Variants in WAC observed in about 807,000 individuals in gnomAD.
WAC encodes the protein WW domain containing adaptor with coiled-coil.
WAC carries 11 observed loss-of-function variants against 79.6 expected under a neutral mutation model. The observed-to-expected ratio is 0.14, with a 90% CI of 0.09 to 0.23. The LOEUF (loss-of-function observed/expected upper bound fraction) is 0.23, where lower values mean the gene tolerates loss of function less well. Among genes scored for constraint, WAC ranks in the 10% least tolerant of loss-of-function variants. The pLI is 1.00. For synonymous variants in WAC, 304 were observed against 276.9 expected (o/e 1.10, Z -0.97); for missense variants, 728 against 773.5 (o/e 0.94, Z 0.70).
In WAC at chr10:28,608,169, A is replaced by G. The variant is rs1292876044; in HGVS notation, c.920-17A>G. On this transcript the variant is annotated splice_polypyrimidine_tract_variant and intron_variant, in intron 7 of 13. Coordinates refer to ENST00000354911, the MANE Select transcript of WAC (RefSeq NM_016628.5). The stretch of plus-strand genomic sequence containing the variant: ...TCTATTCAGGTAATTTTTCAGGCTG[A>G]TTATCTTTTTATTTAGAATCTACAT... The G allele has an allele frequency of 1.2e-6, 2 of 1,611,910 alleles. No individual in the cohort carries two copies. The highest frequency in any genetic ancestry group is 1.1e-5 in the South Asian group (1 of 90,942).
chr10:28,550,470 A>G (rs923476143), intron 3 of WAC, among the ~76,000 whole-genome samples: 10 of 150,526 alleles, frequency 6.6e-5, no homozygotes, highest in Non-Finnish European at 1.2e-4. Context: ...TTTTGTAGAG[A>G]TTTGTAATTA....
At position 28,563,547 on chromosome 10, in the gene WAC, CAA is replaced by C. The variant is rs559802403; in HGVS notation, c.275-19851_275-19850del. ...TTGTGGCAGTTTAATGATAGCAACA[CAA>C]GAGATTTAGTATACAGTGGGTTTGT... On this transcript the variant is annotated intron_variant, in intron 3 of 13. Coordinates refer to ENST00000354911, the MANE Select transcript of WAC (RefSeq NM_016628.5). Among the ~76,000 whole-genome samples the C allele has an allele frequency of 7.9e-5, 12 of 152,012 alleles. No individual in the cohort carries two copies. The East Asian group carries it at 9.7e-4, about 12-fold the overall frequency.
intron 9 of WAC, 37 bp from the exon 10 acceptor site, chr10:28,611,737 G>GT (rs1449697624): frequency 1.9e-6 from 3 of 1,598,658 alleles, no homozygotes; most frequent in Non-Finnish European, 2.6e-6. Context: ...GTTTTGTTTT[G>GT]TTTTTCTTTA....
At chr10:28,586,100 TACAA>T (rs1839809348) in intron 4 of WAC, among the ~76,000 whole-genome samples, 1 of 152,210 alleles carries the variant, frequency 6.6e-6, no homozygotes, top group Non-Finnish European at 1.5e-5. Context: ...GTGGGAATGA[TACAA>T]ACAGCCCTTA....
chr10:28,594,680 G>A (rs544219622), intron 6 of WAC, among the ~76,000 whole-genome samples: 1 of 151,982 alleles, frequency 6.6e-6, no homozygotes, highest in Non-Finnish European at 1.5e-5. Context: ...TTTTGTCTTG[G>A]TCTTTACAAT....
Position 28,533,791 on chromosome 10 carries a change from C to T in WAC, c.41+171C>T, listed in dbSNP as rs552014351. 4 of 978,550 alleles carry T rather than the reference C, an allele frequency of 4.1e-6. No homozygotes were observed. In the East Asian group the frequency reaches 1.2e-4, roughly 29 times the overall value. The allele number at this position is 978,550 out of a possible 1,614,324, so 60.6% of individuals were successfully genotyped here. On this transcript the variant is annotated intron_variant, in intron 1 of 13. Transcript: ENST00000354911. ...GCGGGCGGGCGGGAACGCAGTGTGG[C>T]GGGGAGCGGGGGCCCGGCTTCGCGG...
At chr10:28,583,566 A>AT (rs1483259820) in intron 4 of WAC, 61 bp downstream of exon 4, 2 of 1,247,142 alleles carry the variant, frequency 1.6e-6, no homozygotes, top group Non-Finnish European at 2.2e-6. Flanking sequence ...AAAAAAAAAA[A>AT]AATACAACCC....
At chr10:28,595,429 T>G (rs577804637) in intron 6 of WAC, among the ~76,000 whole-genome samples, 83 of 152,266 alleles carry the variant, frequency 5.5e-4, no homozygotes, top group Middle Eastern at 3.4e-3. Flanking sequence ...GATTTTTTTT[T>G]TTTGTGTTTT....
chr10:28,570,774 A>G (rs181355493), intron 3 of WAC, among the ~76,000 whole-genome samples: 31 of 152,258 alleles, frequency 2.0e-4, no homozygotes, highest in African/African-American at 7.5e-4. Context: ...TGACGTAGGC[A>G]GAGTAGTTAC....
intron 7 of WAC, 65 bp downstream of exon 7, chr10:28,596,106 A>C (rs1435164737): frequency 1.4e-6 from 2 of 1,461,082 alleles, no homozygotes; most frequent in South Asian, 2.7e-5. Context: ...TAAGTTTCTT[A>C]TATATTACAT....
At chr10:28,547,788 T>C (rs762155025) in intron 3 of WAC, among the ~76,000 whole-genome samples, 1 of 151,866 alleles carries the variant, frequency 6.6e-6, no homozygotes, top group East Asian at 1.9e-4. Context: ...AAATTTAGAG[T>C]TTTTCCTTCT....
rs934705078 is a variant in WAC at position 28,621,353 on chromosome 10, C to T, written c.*1747C>T. 2 of 150,982 alleles carry T rather than the reference C, an allele frequency of 1.3e-5. No homozygotes were observed. 9.4% of individuals were successfully genotyped at this position (150,982 alleles called of 1,614,324 possible). ...TGCTAACATAAATTTTGAAATTGCTCTTGTGCTTTAAGCATATATTGAAAG... is the reference window on the plus strand; with the variant it reads ...TGCTAACATAAATTTTGAAATTGCTTTTGTGCTTTAAGCATATATTGAAAG... On this transcript the variant is annotated 3_prime_UTR_variant, in exon 14 of 14. Transcript: ENST00000354911.
chr10:28,590,599 CCATGTT>C, intron 5 of WAC, 115 bp from the exon 6 acceptor site: 1 of 770,248 alleles, frequency 1.3e-6, no homozygotes, highest in Non-Finnish European at 2.1e-6. Context: ...TAAATTATGA[CCATGTT>C]CACTCCTTTT....
intron 4 of WAC, among the ~76,000 whole-genome samples, chr10:28,588,372 A>C (rs1416887327): frequency 2.0e-5 from 3 of 152,094 alleles, no homozygotes; most frequent in African/African-American, 7.2e-5. Context: ...TGGGATGTAA[A>C]CCTGAGCATA....
chr10:28,590,757 AACAG>A lies in WAC; in HGVS notation c.536_539del (p.Asn179ThrfsTer12), dbSNP rs780906207. 6.2e-7 allele frequency: 1 copy of A among 1,611,522 alleles called. No individual in the cohort carries two copies. Among genetic ancestry groups the A allele is most frequent in the East Asian group, 2.2e-5 (1 of 44,784 alleles). ...AAAAGAAGCAAACAAGATGGCAGTC[AACAG>A]CTTCCCAAAAGATAGGGATTACAGA... On this transcript the variant is annotated frameshift_variant, in exon 6 of 14. Transcript: ENST00000354911. LOFTEE classifies it high-confidence loss of function.
intron 3 of WAC, among the ~76,000 whole-genome samples, chr10:28,552,218 T>G (rs574382651): frequency 2.6e-5 from 4 of 152,244 alleles, no homozygotes; most frequent in Non-Finnish European, 4.4e-5. Context: ...GGTATATGTG[T>G]GGTTTTTGAA....
intron 3 of WAC, among the ~76,000 whole-genome samples, chr10:28,542,564 T>C (rs1837113512): frequency 6.6e-6 from 1 of 152,208 alleles, no homozygotes; most frequent in Non-Finnish European, 1.5e-5. Context: ...ACCTGACTTC[T>C]TGTGAAAGTG....
At position 28,534,169 on chromosome 10, in the gene WAC, C is replaced by T. The variant is rs1276456417; in HGVS notation, c.78+135C>T. ...CATCTGAAACTAGCACCGCGGATCC[C>T]CTTAAAATTCCAGGTTTGGTTCCTT... On this transcript the variant is annotated intron_variant, in intron 2 of 13. Coordinates refer to ENST00000354911, the MANE Select transcript of WAC (RefSeq NM_016628.5). 5.9e-6 allele frequency: 5 copies of T among 852,610 alleles called. No individual in the cohort carries two copies. The East Asian group carries it at 9.3e-5, about 16-fold the overall frequency. The allele number at this position is 852,610 out of a possible 1,614,324, so 52.8% of individuals were successfully genotyped here. A position where few individuals can be genotyped will look rare whatever the true frequency, so the allele number is the denominator to read the frequency against.
chr10:28,593,730 C>CA (rs66821014), intron 6 of WAC, among the ~76,000 whole-genome samples: 7,633 of 143,514 alleles, frequency 0.053, 269 homozygotes, highest in African/African-American at 0.1. Flanking sequence ...GAGACTCTCT[C>CA]AAAAAAAAAA....
Sources: gnomAD v4.1 joint callset for allele counts (sites outside exome capture counted in the v4.1 genomes callset) on GRCh38, gnomAD v4.1.1 for gene constraint, MANE v1.5 for transcripts, NCBI Gene and HGNC (gene_info 2026-07-23, HGNC 2026-07-21) for gene names.